Variants in KCNH7 observed in about 807,000 individuals in gnomAD.
KCNH7 encodes the protein voltage-gated inwardly rectifying potassium channel KCNH7.
In KCNH7, 49 loss-of-function variants were observed where a neutral mutation model predicts 120.8. That is an observed-to-expected ratio of 0.41 (90% confidence interval 0.32 to 0.51). The LOEUF is 0.51. Ranked by LOEUF, KCNH7 falls within the 20% of genes least tolerant of loss-of-function variation. The pLI is 0.38. For synonymous variants in KCNH7, 547 were observed against 516.1 expected, an observed-to-expected ratio of 1.06 and a Z score of -0.81; for missense variants, 1,097 against 1,446.6, an observed-to-expected ratio of 0.76 and a Z score of 3.92.
intron 2 of KCNH7, among the ~76,000 whole-genome samples, chr2:162,685,223 A>G (rs1207447664): frequency 6.6e-6 from 1 of 152,060 alleles, no homozygotes; most frequent in Non-Finnish European, 1.5e-5. Context: ...GAGGGATAGC[A>G]TTAGGAGAAA....
rs191937215 is a variant in KCNH7, at chr2:162,377,604, T to A, written c.3131+2249A>T. On this transcript the variant is annotated intron_variant, in intron 14 of 15. Coordinates refer to ENST00000332142, the MANE Select transcript of KCNH7 (RefSeq NM_033272.4). ...CAGATGTCCTTGCAGAAGTATGTTT[T>A]GTGTTAGGTTACAGTGGCTTCTGTG... 4.9e-3 allele frequency among the ~76,000 whole-genome samples: 751 copies of A among 152,278 alleles called. 9 individuals are homozygous for A. The highest frequency in any genetic ancestry group is 0.017 in the African/African-American group (716 of 41,558).
At chr2:162,795,292 G>A (rs1282280539) in intron 2 of KCNH7, 1 of 152,076 alleles carries the variant, frequency 6.6e-6, no homozygotes, top group Non-Finnish European at 1.5e-5. Context: ...TACTTTCAGG[G>A]AGTGTTATGG....
At chr2:162,640,374 C>G (rs1242197133) in intron 2 of KCNH7, among the ~76,000 whole-genome samples, 1 of 151,944 alleles carries the variant, frequency 6.6e-6, no homozygotes, top group Non-Finnish European at 1.5e-5. Flanking sequence ...GAATATAACA[C>G]AGTACCTAGA....
At chr2:162,813,172 G>A (rs1684794269) in intron 2 of KCNH7, among the ~76,000 whole-genome samples, 1 of 152,144 alleles carries the variant, frequency 6.6e-6, no homozygotes, top group South Asian at 2.1e-4. Context: ...GAGAGGCTAA[G>A]TCAGAAAATG....
intron 2 of KCNH7, among the ~76,000 whole-genome samples, chr2:162,774,831 G>T (rs1038826218): frequency 3.3e-5 from 5 of 152,046 alleles, no homozygotes; most frequent in African/African-American, 1.2e-4. Context: ...ATCCACACTT[G>T]TTTCCTGGAA....
chr2:162,395,995 A>G (rs757396874), intron 11 of KCNH7, among the ~76,000 whole-genome samples: 9 of 151,742 alleles, frequency 5.9e-5, no homozygotes, highest in Non-Finnish European at 1.3e-4. Flanking sequence ...GGAGTTGTGA[A>G]ATTTTGGGGG....
chr2:162,766,548 G>C (rs947163886), intron 2 of KCNH7, among the ~76,000 whole-genome samples: 3 of 152,064 alleles, frequency 2.0e-5, no homozygotes, highest in Admixed American at 6.6e-5. Context: ...AACAAAAAAA[G>C]CTTGATTAGT....
At chr2:162,518,801 C>T (rs1574056096) in intron 3 of KCNH7, among the ~76,000 whole-genome samples, 1 of 143,510 alleles carries the variant, frequency 7.0e-6, no homozygotes, top group African/African-American at 2.5e-5. Context: ...TTTCTTTTTC[C>T]TGTTTTCTGT....
chr2:162,692,038 A>T (rs887531530), intron 2 of KCNH7, among the ~76,000 whole-genome samples: 1 of 152,186 alleles, frequency 6.6e-6, no homozygotes, highest in African/African-American at 2.4e-5. Flanking sequence ...TAGTTCTGCA[A>T]ATATGATAAC....
chr2:162,513,071 G>A (rs992745535), intron 4 of KCNH7, among the ~76,000 whole-genome samples: 11 of 151,770 alleles, frequency 7.2e-5, no homozygotes, highest in East Asian at 2.0e-4. Context: ...TCCACATTTT[G>A]CATGTTAAGT....
intron 11 of KCNH7, among the ~76,000 whole-genome samples, chr2:162,394,704 A>T (rs1686854478): frequency 6.6e-6 from 1 of 151,926 alleles, no homozygotes. Context: ...TTGCTGGGGA[A>T]ATCATAGTGT....
At chr2:162,594,366 G>A (rs1303745623) in intron 2 of KCNH7, among the ~76,000 whole-genome samples, 1 of 151,898 alleles carries the variant, frequency 6.6e-6, no homozygotes, top group Admixed American at 6.6e-5. Flanking sequence ...GTGGGAAGGG[G>A]CTTTGAGTTG....
At chr2:162,398,726 T>C (rs1463276484) in intron 10 of KCNH7, among the ~76,000 whole-genome samples, 1 of 151,928 alleles carries the variant, frequency 6.6e-6, no homozygotes, top group Non-Finnish European at 1.5e-5. Flanking sequence ...TTGTAGAAGC[T>C]AGGACTGGCT....
chr2:162,434,337 A>G (rs1688168517), intron 8 of KCNH7, among the ~76,000 whole-genome samples: 1 of 152,070 alleles, frequency 6.6e-6, no homozygotes, highest in Non-Finnish European at 1.5e-5. Flanking sequence ...GCATCACACA[A>G]TATACCCATG....
intron 4 of KCNH7, among the ~76,000 whole-genome samples, chr2:162,516,042 C>T (rs1025332556): frequency 6.6e-6 from 1 of 151,682 alleles, no homozygotes; most frequent in African/African-American, 2.4e-5. Flanking sequence ...GATTTTGAAA[C>T]AGAACTCGCA....
intron 6 of KCNH7, among the ~76,000 whole-genome samples, chr2:162,485,344 G>A (rs991952701): frequency 2.0e-5 from 3 of 152,122 alleles, no homozygotes; most frequent in Non-Finnish European, 4.4e-5. Context: ...ATAAAAATGT[G>A]ATAATAATCT....
chr2:162,426,214 T>TAAA (rs751111957), intron 8 of KCNH7, among the ~76,000 whole-genome samples: 2 of 118,962 alleles, frequency 1.7e-5, no homozygotes, highest in Non-Finnish European at 1.8e-5. Context: ...ACCCTATCTT[T>TAAA]AAAAAAAAAA....
At chr2:162,787,509 C>G (rs1003094254) in intron 2 of KCNH7, among the ~76,000 whole-genome samples, 2 of 152,162 alleles carry the variant, frequency 1.3e-5, no homozygotes, top group African/African-American at 4.8e-5. Context: ...GAGGCTGCTA[C>G]TCATGGATCT....
At chr2:162,685,310 G>A (rs867307351) in intron 2 of KCNH7, among the ~76,000 whole-genome samples, 43 of 151,910 alleles carry the variant, frequency 2.8e-4, no homozygotes, top group African/African-American at 5.1e-4. Flanking sequence ...AGACCTGCAC[G>A]TTCTGGACAT....
Sources: gnomAD v4.1 joint callset for allele counts (sites outside exome capture counted in the v4.1 genomes callset) on GRCh38, gnomAD v4.1.1 for gene constraint, MANE v1.5 for transcripts, NCBI Gene and HGNC (gene_info 2026-07-23, HGNC 2026-07-21) for gene names.